CTC1: variants seen among roughly 807,000 people sequenced by gnomAD.
CTC1 encodes CST complex subunit CTC1.
Under a neutral mutation model 136.3 loss-of-function variants are expected in CTC1, and 91 were observed. The ratio of observed to expected loss-of-function variants is 0.67; its 90% CI spans 0.56 to 0.79. The LOEUF (loss-of-function observed/expected upper bound fraction) is 0.79. Ranked by LOEUF, CTC1 falls within the 30% of genes least tolerant of loss-of-function variation. The pLI, the probability that CTC1 is intolerant of heterozygous loss-of-function variation, is 0.00. For synonymous variants in CTC1, 606 were observed against 613.8 expected (o/e 0.99, Z 0.19); for missense variants, 1,432 against 1,498.1 (o/e 0.96, Z 0.73).
In CTC1 at chr17:8,237,444, C is replaced by T. The variant is rs1275112523; in HGVS notation, c.723G>A (p.Gln241=). 6.2e-7 allele frequency: 1 copy of T among 1,613,500 alleles called. No individual in the cohort carries two copies. Among genetic ancestry groups the T allele is most frequent in the East Asian group, 2.2e-5 (1 of 44,874 alleles). ...VRLSALVKSK[Q]KAYFILSLGR... ...CAAGAGACAGGATGAAGTAAGCTTT[C>T]TGTTTACTTTTCACCAGAGCACTCA... The change falls in exon 5 of 23, where the codon CAG becomes CAA. Residue 241 remains glutamine, a synonymous_variant. Transcript: ENST00000651323.
At chr17:8,237,633 C>T in intron 4 of CTC1, 114 bp from the exon 5 acceptor site, 3 of 427,272 alleles carry the variant, frequency 7.0e-6, no homozygotes, top group South Asian at 3.1e-5. Context: ...CCATTGGACT[C>T]CAGCCTGGGC....
chr17:8,236,017 T>C (rs1450020509), intron 6 of CTC1, 41 bp downstream of exon 6: 1 of 1,599,276 alleles, frequency 6.3e-7, no homozygotes, highest in Non-Finnish European at 8.6e-7. Flanking sequence ...AAAACCCACA[T>C]TTCTGGCCCC....
Position 8,225,714 on chromosome 17 carries a change from C to A in CTC1, c.*2466G>T. On this transcript the variant is annotated 3_prime_UTR_variant, in exon 23 of 23. Coordinates refer to ENST00000651323, the MANE Select transcript of CTC1 (RefSeq NM_025099.6). ...CTGCTTACTCCTTACCCTGACATCC[C>A]GCTGGTGGAGAGGGATGGAGGTAAC... 1 of 152,140 alleles carries A rather than the reference C, an allele frequency of 6.6e-6. No individual in the cohort carries two copies. Among genetic ancestry groups the A allele is most frequent in the East Asian group, 1.9e-4 (1 of 5,204 alleles). The allele number at this position is 152,140 out of a possible 1,614,324, so 9.4% of individuals were successfully genotyped here.
At chr17:8,233,063 TG>T (rs781258860) in intron 10 of CTC1, 31 bp from the exon 11 acceptor site, 1 of 1,611,896 alleles carries the variant, frequency 6.2e-7, no homozygotes, top group Admixed American at 1.7e-5. Context: ...AGTTATCAAA[TG>T]TTTATTCAGC....
intron 1 of CTC1, among the ~76,000 whole-genome samples, chr17:8,244,957 AC>A (rs1988556562): frequency 6.6e-6 from 1 of 152,238 alleles, no homozygotes; most frequent in South Asian, 2.1e-4. Flanking sequence ...ATGGAATACT[AC>A]GCAGCCATAA....
In CTC1 at chr17:8,237,401, C is replaced by T; in HGVS notation, c.766G>A (p.Val256Ile). Reference sequence around the variant, plus strand: ...TGCACGATGATGGACACGTGGGTGACAGCTGGGTGTGATCTACCAAGAGAC... The same window carrying T: ...TGCACGATGATGGACACGTGGGTGATAGCTGGGTGTGATCTACCAAGAGAC... The part of the protein sequence containing the change: ...ILSLGRSHPA[V>I]THVSIIVQVP... The change falls in exon 5 of 23, where the codon GTC becomes ATC. Residue 256 changes from valine (V) to isoleucine (I), a missense_variant. Val to Ile is a conservative substitution (Grantham distance 29). Transcript: ENST00000651323. The T allele has an allele frequency of 6.2e-7, 1 of 1,614,096 alleles. No individual in the cohort carries two copies. The highest frequency in any genetic ancestry group is 8.5e-7 in the Non-Finnish European group (1 of 1,180,014).
At chr17:8,233,063 T>C (rs1987381527) in intron 10 of CTC1, 31 bp from the exon 11 acceptor site, 1 of 1,611,896 alleles carries the variant, frequency 6.2e-7, no homozygotes, top group Non-Finnish European at 8.5e-7. Flanking sequence ...AGTTATCAAA[T>C]GTTTATTCAG....
intron 1 of CTC1, among the ~76,000 whole-genome samples, chr17:8,246,564 C>A (rs1175959219): frequency 6.6e-6 from 1 of 152,102 alleles, no homozygotes; most frequent in Non-Finnish European, 1.5e-5. Flanking sequence ...ACCTAGATGT[C>A]CTCCTTAGCT....
chr17:8,232,326 C>A (rs372221537), intron 12 of CTC1, 35 bp downstream of exon 12: 2 of 1,600,314 alleles, frequency 1.2e-6, no homozygotes, highest in Non-Finnish European at 1.7e-6. Flanking sequence ...TCCTTCCCCC[C>A]AGACTCAAGA....
Position 8,236,274 on chromosome 17 carries a change from T to C in CTC1, c.861A>G (p.Arg287=). The change falls in exon 6 of 23, where the codon CGA becomes CGG. Residue 287 remains arginine, a synonymous_variant. Coordinates refer to ENST00000651323, the MANE Select transcript of CTC1 (RefSeq NM_025099.6). ...GGCGCTGACCACGGATCTTGGACAC[T>C]CGCAGTTCTGTCAGCACATAGGCTG... ...PGTAYVLTEL[R]VSKIRGQRQH... The C allele has an allele frequency of 6.2e-7, 1 of 1,613,854 alleles. No individual in the cohort carries two copies. The highest frequency in any genetic ancestry group is 8.5e-7 in the Non-Finnish European group (1 of 1,180,032).
chr17:8,237,438 A>AACAG lies in CTC1; in HGVS notation c.728_729insCTGT (p.Tyr244CysfsTer9). ...ATCTACCAAGAGACAGGATGAAGTA[A>AACAG]GCTTTCTGTTTACTTTTCACCAGAG... On this transcript the variant is annotated frameshift_variant, in exon 5 of 23. Transcript: ENST00000651323. LOFTEE classifies it high-confidence loss of function. 1 of 1,614,008 alleles carries AACAG rather than the reference A, an allele frequency of 6.2e-7. No individual in the cohort carries two copies. Among genetic ancestry groups the AACAG allele is most frequent in the Middle Eastern group, 1.6e-4 (1 of 6,062 alleles).
chr17:8,235,943 A>G lies in CTC1; in HGVS notation c.1094T>C (p.Val365Ala), dbSNP rs763967881. 1.9e-6 allele frequency: 3 copies of G among 1,608,688 alleles called. No individual in the cohort carries two copies. In the South Asian group the frequency reaches 3.3e-5, roughly 18 times the overall value. Residue 365 changes from valine to alanine, a missense_variant, in exon 7 of 23, where the codon GTG (valine) becomes GCG (alanine). Physicochemically the swap from Val to Ala is moderately conservative, Grantham distance 64. Coordinates refer to ENST00000651323, the MANE Select transcript of CTC1 (RefSeq NM_025099.6). ...ATAGAGGCCAGCGGGCTCATTCAAC[A>G]CGCCAGTGACTGCTCCCTGCAAACA... ...LLSYSGAVTG[V>A]LNEPAGLYEL...
chr17:8,230,119 A>G (rs1367083082), intron 17 of CTC1, 151 bp from the exon 18 acceptor site: 2 of 966,180 alleles, frequency 2.1e-6, no homozygotes, highest in Non-Finnish European at 3.2e-6. Context: ...GAAGACTAGG[A>G]GGAGGACCAG....
chr17:8,242,550 AAAAATAT>A (rs1262111031), intron 2 of CTC1, among the ~76,000 whole-genome samples: 314 of 54,632 alleles, frequency 5.7e-3, no homozygotes, highest in Non-Finnish European at 8.5e-3. Flanking sequence ...AAAAAAAAAA[AAAAATAT>A]ATATATATAT....
chr17:8,235,067 C>T lies in CTC1; in HGVS notation c.1425G>A (p.Glu475=). The part of the protein sequence containing the change: ...PLYLWATKAL[E]ELACKLCPHV... ...AGCCTCCTCACTTGCAGGCCAGCTC[C>T]TCCAGGGCCTTGGTAGCCCACAGGT... Residue 475 remains glutamate (E), a synonymous_variant, in exon 8 of 23, where the codon GAG becomes GAA. Coordinates refer to ENST00000651323, the MANE Select transcript of CTC1 (RefSeq NM_025099.6). The T allele has an allele frequency of 1.2e-6, 2 of 1,614,100 alleles. No homozygotes were observed. The highest frequency in any genetic ancestry group is 2.2e-5 in the South Asian group (2 of 91,088).
intron 14 of CTC1, 76 bp from the exon 15 acceptor site, chr17:8,231,545 AATT>A: frequency 2.8e-6 from 4 of 1,424,624 alleles, no homozygotes; most frequent in Non-Finnish European, 9.6e-7. Context: ...ATTCTGACCC[AATT>A]TTGTTCTTTC....
In CTC1 at chr17:8,232,386, C is replaced by G. The variant is rs764361529; in HGVS notation, c.2035G>C (p.Gly679Arg). 6.2e-7 allele frequency: 1 copy of G among 1,614,142 alleles called. No homozygotes were observed. The highest frequency in any genetic ancestry group is 1.6e-4 in the Middle Eastern group (1 of 6,062). ...CTGGCCTGCTGCTTCTGGATGAAGC[C>G]TGGCATGCTCAGCTCCTTCCAGGAA... ...FPSWKELSMP[G>R]FIQKQQARVY... The change falls in exon 12 of 23, where the codon GGC becomes CGC. Residue 679 changes from glycine (G) to arginine (R), a missense_variant. Gly to Arg is a moderately radical substitution (Grantham distance 125). Coordinates refer to ENST00000651323, the MANE Select transcript of CTC1 (RefSeq NM_025099.6).
intron 7 of CTC1, 49 bp downstream of exon 7, chr17:8,235,782 A>G: frequency 6.5e-7 from 1 of 1,539,378 alleles, no homozygotes; most frequent in Non-Finnish European, 8.8e-7. Flanking sequence ...TATGAAGGTA[A>G]GAGAAGCTGC....
intron 2 of CTC1, among the ~76,000 whole-genome samples, chr17:8,241,778 A>G (rs1313443667): frequency 6.9e-6 from 1 of 144,344 alleles, no homozygotes; most frequent in Non-Finnish European, 1.5e-5. Flanking sequence ...GCTTGAGCCC[A>G]GGAGGTAAAG....
Sources: gnomAD v4.1 joint callset for allele counts (sites outside exome capture counted in the v4.1 genomes callset) on GRCh38, gnomAD v4.1.1 for gene constraint, MANE v1.5 for transcripts, NCBI Gene and HGNC (gene_info 2026-07-23, HGNC 2026-07-21) for gene names.